Variants in ZNF132 observed in about 807,000 individuals in gnomAD.
ZNF132 encodes zinc finger protein 132, also known as zinc finger protein 132 (clone pHZ-12).
A neutral mutation model predicts 9.3 loss-of-function variants in ZNF132; 6 were observed. That is an observed-to-expected ratio of 0.65 (90% confidence interval 0.35 to 1.28). The LOEUF (loss-of-function observed/expected upper bound fraction) is 1.28. Among genes scored for constraint, ZNF132 ranks in the 50% most tolerant of loss-of-function variants. The pLI, the probability that ZNF132 is intolerant of heterozygous loss-of-function variation, is 0.03. For synonymous variants in ZNF132, 296 were observed against 292.0 expected, an observed-to-expected ratio of 1.01 and a Z score of -0.14; for missense variants, 877 against 843.2, an observed-to-expected ratio of 1.04 and a Z score of -0.50.
chr19:58,437,056 T>A lies in ZNF132; in HGVS notation c.223A>T (p.Thr75Ser). ...TGAGACAGGGCATTACCAAGTGAGGTCACAAGCTCAAGGTTTTCCAGCATC... is the reference window on the plus strand; with the variant it reads ...TGAGACAGGGCATTACCAAGTGAGGACACAAGCTCAAGGTTTTCCAGCATC... The part of the protein sequence containing the change: ...SVMLENLELV[T>S]SLGSWHGVEG... The change falls in exon 2 of 3, where the codon ACC (threonine) becomes TCC (serine). Residue 75 changes from threonine (T) to serine (S), a missense_variant. Physicochemically the swap from Thr to Ser is moderately conservative, Grantham distance 58. Coordinates refer to ENST00000254166, the MANE Select transcript of ZNF132 (RefSeq NM_003433.4). 6.2e-7 allele frequency: 1 copy of A among 1,613,826 alleles called. No homozygotes were observed. The highest frequency in any genetic ancestry group is 8.5e-7 in the Non-Finnish European group (1 of 1,179,944).
chr19:58,435,074 T>C lies in ZNF132; in HGVS notation c.370A>G (p.Lys124Glu), dbSNP rs2052765766. Residue 124 changes from lysine to glutamate, a missense_variant, in exon 3 of 3, where the codon AAA becomes GAA. By Grantham distance (56) the Lys-to-Glu change is moderately conservative. Coordinates refer to ENST00000254166, the MANE Select transcript of ZNF132 (RefSeq NM_003433.4). ...NSCDMCGPFL[K>E]DILHLAEHQG... ...TGCTCAGCCAGGTGCAAAATGTCTT[T>C]CAAGAATGGCCCACACATGTCACAG... 6.2e-7 allele frequency: 1 copy of C among 1,614,146 alleles called. No individual in the cohort carries two copies. Among genetic ancestry groups the C allele is most frequent in the South Asian group, 1.1e-5 (1 of 91,074 alleles).
chr19:58,439,782 C>A lies in ZNF132; in HGVS notation c.40G>T (p.Ala14Ser). ...PSPQVLMGLP[A>S]LLMGPAQHTS... Reference sequence around the variant, plus strand: ...ACCTGCGCCGGGCCCATCAGCAACGCTGGCAACCCCATTAGAACCTGTGGG... The same window carrying A: ...ACCTGCGCCGGGCCCATCAGCAACGATGGCAACCCCATTAGAACCTGTGGG... Residue 14 changes from alanine to serine, a missense_variant, in exon 1 of 3, where the codon GCG (alanine) becomes TCG (serine). Physicochemically the swap from Ala to Ser is moderately conservative, Grantham distance 99. Transcript: ENST00000254166. 6.5e-7 allele frequency: 1 copy of A among 1,546,314 alleles called. No individual in the cohort carries two copies. The highest frequency in any genetic ancestry group is 8.7e-7 in the Non-Finnish European group (1 of 1,145,882).
In ZNF132 at chr19:58,439,848, C is replaced by A; in HGVS notation, c.-27G>T. The stretch of plus-strand genomic sequence containing the variant: ...ACAGGAGGCCCAGGGCTAGCCCTGC[C>A]GCTGGGCCGAACCCTCACACTTCCG... On this transcript the variant is annotated 5_prime_UTR_variant, in exon 1 of 3. Transcript: ENST00000254166. The A allele has an allele frequency of 6.5e-7, 1 of 1,534,084 alleles. No homozygotes were observed. The highest frequency in any genetic ancestry group is 8.8e-7 in the Non-Finnish European group (1 of 1,140,126).
chr19:58,438,609 G>T (rs1353135213), intron 1 of ZNF132, among the ~76,000 whole-genome samples: 1 of 151,742 alleles, frequency 6.6e-6, no homozygotes, highest in Non-Finnish European at 1.5e-5. Flanking sequence ...GAGTAGCTGG[G>T]ACTACAGGCA....
Position 58,435,155 on chromosome 19 carries a change from C to G in ZNF132, c.289G>C (p.Glu97Gln). The change falls in exon 3 of 3, where the codon GAA (glutamate) becomes CAA (glutamine). Residue 97 changes from glutamate (E) to glutamine (Q), a missense_variant. Coordinates refer to ENST00000254166, the MANE Select transcript of ZNF132 (RefSeq NM_003433.4). ...TTAGGGATCCTGACCTGTAACACTT[C>G]TACAGAAACATTCTGCTTGGGATGG... ...GAHPKQNVSV[E>Q]VLQVRIPNAD... The G allele has an allele frequency of 6.2e-7, 1 of 1,614,178 alleles. No individual in the cohort carries two copies. Among genetic ancestry groups the G allele is most frequent in the Non-Finnish European group, 8.5e-7 (1 of 1,180,024 alleles).
chr19:58,433,471 A>T lies in ZNF132; in HGVS notation c.1973T>A (p.Ile658Asn). ...VHTQERPYEC[I>N]QCGKAFSERS... ...TTCACTAAAGGCTTTTCCACACTGG[A>T]TGCACTCATAGGGCCTTTCTTGTGT... The change falls in exon 3 of 3, where the codon ATC (isoleucine) becomes AAC (asparagine). Residue 658 changes from isoleucine to asparagine, a missense_variant. By Grantham distance (149) the Ile-to-Asn change is moderately radical (BLOSUM62 -3). Coordinates refer to ENST00000254166, the MANE Select transcript of ZNF132 (RefSeq NM_003433.4). 6.2e-7 allele frequency: 1 copy of T among 1,613,582 alleles called. No homozygotes were observed. Among genetic ancestry groups the T allele is most frequent in the Non-Finnish European group, 8.5e-7 (1 of 1,179,868 alleles).
intron 2 of ZNF132, 148 bp from the exon 3 acceptor site, chr19:58,435,359 G>A: frequency 1.1e-6 from 1 of 870,602 alleles, no homozygotes; most frequent in Non-Finnish European, 1.7e-6. Flanking sequence ...GGTGAAGAAG[G>A]GCCCATTACT....
chr19:58,435,145 T>G lies in ZNF132; in HGVS notation c.299A>C (p.Gln100Pro). Residue 100 changes from glutamine to proline, a missense_variant, in exon 3 of 3, where the codon CAG (glutamine) becomes CCG (proline). Transcript: ENST00000254166. ...PKQNVSVEVL[Q>P]VRIPNADPST... ...AGGATCTGCATTAGGGATCCTGACC[T>G]GTAACACTTCTACAGAAACATTCTG... The G allele has an allele frequency of 3.1e-6, 5 of 1,614,234 alleles. No individual in the cohort carries two copies. Among genetic ancestry groups the G allele is most frequent in the Non-Finnish European group, 4.2e-6 (5 of 1,180,040 alleles).
At chr19:58,435,874 G>A (rs749013181) in intron 2 of ZNF132, among the ~76,000 whole-genome samples, 5 of 152,128 alleles carry the variant, frequency 3.3e-5, no homozygotes, top group Non-Finnish European at 5.9e-5. Flanking sequence ...CTGAGTAGAC[G>A]GATTATAGGC....
chr19:58,433,736 GCCTTT>G lies in ZNF132; in HGVS notation c.1703_1707del (p.Glu568AlafsTer3). The G allele has an allele frequency of 6.2e-7, 1 of 1,614,044 alleles. No homozygotes were observed. The highest frequency in any genetic ancestry group is 8.5e-7 in the Non-Finnish European group (1 of 1,179,930). ...TTCCCACATTCATTGCACTCATAAG[GCCTTT>G]CTTTTGTGTGAACTCTCCAGTGTTC... On this transcript the variant is annotated frameshift_variant, in exon 3 of 3. Coordinates refer to ENST00000254166, the MANE Select transcript of ZNF132 (RefSeq NM_003433.4). LOFTEE classifies it low-confidence loss of function (END_TRUNC).
rs1314130737 is a variant in ZNF132, at chr19:58,433,540, G to T, written c.1904C>A (p.Ala635Asp). 4 of 1,614,144 alleles carry T rather than the reference G, an allele frequency of 2.5e-6. No homozygotes were observed. Among genetic ancestry groups the T allele is most frequent in the Admixed American group, 3.3e-5 (2 of 60,014 alleles). The change falls in exon 3 of 3, where the codon GCC becomes GAC. Residue 635 changes from alanine (A) to aspartate (D), a missense_variant. Transcript: ENST00000254166. ...RPYECSECGR[A>D]FSSNSHLVRH... ...AACCAGGTGGGAGTTACTGCTAAAG[G>T]CTCTCCCACATTCACTGCATTCGTA...
At chr19:58,436,315 C>G (rs958780491) in intron 2 of ZNF132, 1 of 154,392 alleles carries the variant, frequency 6.5e-6, no homozygotes, top group Non-Finnish European at 1.5e-5. Flanking sequence ...AATCACTAGA[C>G]TGTGTACTTT....
At position 58,433,929 on chromosome 19, in the gene ZNF132, G is replaced by A. The variant is rs573922418; in HGVS notation, c.1515C>T (p.His505=). The change falls in exon 3 of 3, where the codon CAC becomes CAT. Residue 505 remains histidine (H), a synonymous_variant. Transcript: ENST00000254166. ...AFSNSSTLIQ[H]QKVHTGQRPY... ...GCCTTTGCCCAGTATGTACTTTCTG[G>A]TGCTGGATGAGGGTGGAGCTATTAC... is the stretch of plus-strand genomic sequence containing the variant. 6.2e-6 allele frequency: 10 copies of A among 1,613,886 alleles called. No individual in the cohort carries two copies. Among genetic ancestry groups the A allele is most frequent in the Admixed American group, 3.3e-5 (2 of 59,974 alleles).
At chr19:58,438,183 C>CT (rs1356063182) in intron 1 of ZNF132, among the ~76,000 whole-genome samples, 5 of 152,220 alleles carry the variant, frequency 3.3e-5, no homozygotes, top group Admixed American at 2.6e-4. Flanking sequence ...ACTTTTGCCG[C>CT]TATGCTTCAC....
intron 1 of ZNF132, among the ~76,000 whole-genome samples, chr19:58,438,331 C>T (rs533366829): frequency 6.6e-6 from 1 of 152,138 alleles, no homozygotes; most frequent in Non-Finnish European, 1.5e-5. Context: ...TTCATAATCA[C>T]ATGTTTAGTG....
chr19:58,435,945 A>C (rs1156403679), intron 2 of ZNF132, among the ~76,000 whole-genome samples: 2 of 152,204 alleles, frequency 1.3e-5, no homozygotes, highest in Non-Finnish European at 2.9e-5. Context: ...AAACAAGCCA[A>C]ATGCTCATCC....
chr19:58,433,925 T>C lies in ZNF132; in HGVS notation c.1519A>G (p.Lys507Glu). 1.2e-6 allele frequency: 2 copies of C among 1,614,144 alleles called. No homozygotes were observed. Among genetic ancestry groups the C allele is most frequent in the South Asian group, 1.1e-5 (1 of 91,080 alleles). Residue 507 changes from lysine (K) to glutamate (E), a missense_variant, in exon 3 of 3, where the codon AAA becomes GAA. Lys to Glu is a moderately conservative substitution (Grantham distance 56). Transcript: ENST00000254166. Reference sequence around the variant, plus strand: ...TAAGGCCTTTGCCCAGTATGTACTTTCTGGTGCTGGATGAGGGTGGAGCTA... The same window carrying C: ...TAAGGCCTTTGCCCAGTATGTACTTCCTGGTGCTGGATGAGGGTGGAGCTA... ...SNSSTLIQHQKVHTGQRPYEC... is the reference protein window; with the variant it reads ...SNSSTLIQHQEVHTGQRPYEC...
rs2052751833 is a variant in ZNF132, at chr19:58,433,161, G to A, written c.*162C>T. 3 of 717,270 alleles carry A rather than the reference G, an allele frequency of 4.2e-6. No homozygotes were observed. Among genetic ancestry groups the A allele is most frequent in the Non-Finnish European group, 6.8e-6 (3 of 442,974 alleles). The allele number at this position is 717,270 out of a possible 1,614,324, so 44.4% of individuals were successfully genotyped here. A position where few individuals can be genotyped will look rare whatever the true frequency, so the allele number is the denominator to read the frequency against. The stretch of plus-strand genomic sequence containing the variant: ...TGCCTTATGCTGCATGGGTGAGATG[G>A]CCCTGCAAAGGTTCCTGGGCTGGTC... On this transcript the variant is annotated 3_prime_UTR_variant, in exon 3 of 3. Coordinates refer to ENST00000254166, the MANE Select transcript of ZNF132 (RefSeq NM_003433.4).
At position 58,434,467 on chromosome 19, in the gene ZNF132, T is replaced by C; in HGVS notation, c.977A>G (p.Lys326Arg). 1 of 1,614,254 alleles carries C rather than the reference T, an allele frequency of 6.2e-7. No homozygotes were observed. The highest frequency in any genetic ancestry group is 8.5e-7 in the Non-Finnish European group (1 of 1,180,054). Residue 326 changes from lysine (K) to arginine (R), a missense_variant, in exon 3 of 3, where the codon AAA (lysine) becomes AGA (arginine). Physicochemically the swap from Lys to Arg is conservative, Grantham distance 26 (BLOSUM62 2). Transcript: ENST00000254166. ...VKYYECIACG[K>R]TFNHKLTFVH... Reference sequence around the variant, plus strand: ...AAATGTGAGTTTGTGGTTGAAGGTTTTCCCACATGCAATGCACTCATAATA... The same window carrying C: ...AAATGTGAGTTTGTGGTTGAAGGTTCTCCCACATGCAATGCACTCATAATA...
Sources: allele counts gnomAD v4.1 joint callset (sites outside exome capture counted in the v4.1 genomes callset), GRCh38; gene constraint gnomAD v4.1.1; transcripts MANE v1.5; gene names NCBI Gene and HGNC (gene_info 2026-07-23, HGNC 2026-07-21).